Variants in VWA8 observed in about 807,000 individuals in gnomAD.
VWA8 encodes the protein von Willebrand factor A domain-containing protein 8.
VWA8 carries 221 observed loss-of-function variants against 241.5 expected under a neutral mutation model. That is an observed-to-expected ratio of 0.91 (90% confidence interval 0.82 to 1.02). VWA8 has a LOEUF of 1.02. Ranked by LOEUF, VWA8 falls within the 50% of genes least tolerant of loss-of-function variation. VWA8 has a pLI of 0.00. For missense variants in VWA8, 2,322 were observed against 2,328.7 expected (o/e 1.00, Z 0.06); for synonymous variants, 852 against 827.1 (o/e 1.03, Z -0.52).
intron 2 of VWA8, chr13:41,926,502 T>C: frequency 3.8e-6 from 2 of 531,736 alleles, no homozygotes; most frequent in South Asian, 1.5e-5. Context: ...AAGATGCTAG[T>C]GGTTGGTGGC....
At chr13:41,889,509 G>T (rs970532886) in intron 5 of VWA8, among the ~76,000 whole-genome samples, 20 of 151,970 alleles carry the variant, frequency 1.3e-4, no homozygotes, top group African/African-American at 4.4e-4. Flanking sequence ...CTCCCGAGTA[G>T]CTGGGATTAC....
chr13:41,843,738 G>T (rs1349615202), intron 12 of VWA8, among the ~76,000 whole-genome samples: 1 of 151,930 alleles, frequency 6.6e-6, no homozygotes, highest in African/African-American at 2.4e-5. Flanking sequence ...AGAAAATCTA[G>T]AGGAAATGGA....
In VWA8 at chr13:41,699,248, A is replaced by G; in HGVS notation, c.3387T>C (p.Tyr1129=). ...GGGAAGCGGGATTGCATGTAACTACATAGAGAGTATTTTGCTCATTTTCTG... is the reference window on the plus strand; with the variant it reads ...GGGAAGCGGGATTGCATGTAACTACGTAGAGAGTATTTTGCTCATTTTCTG... ...TSHENEQNTL[Y]VVTCNPASLY... Residue 1129 remains tyrosine, a synonymous_variant, in exon 29 of 45, where the codon TAT becomes TAC. Coordinates refer to ENST00000379310, the MANE Select transcript of VWA8 (RefSeq NM_015058.2). The G allele has an allele frequency of 6.2e-7, 1 of 1,614,152 alleles. No homozygotes were observed. The highest frequency in any genetic ancestry group is 8.5e-7 in the Non-Finnish European group (1 of 1,180,002).
chr13:41,832,430 A>G (rs185186127), intron 13 of VWA8, among the ~76,000 whole-genome samples: 1 of 152,336 alleles, frequency 6.6e-6, no homozygotes, highest in East Asian at 1.9e-4. Context: ...AGAAAAAAAT[A>G]TTGTAAATCT....
At chr13:41,610,339 C>T (rs1431051879) in intron 39 of VWA8, among the ~76,000 whole-genome samples, 1 of 152,176 alleles carries the variant, frequency 6.6e-6, no homozygotes, top group Non-Finnish European at 1.5e-5. Context: ...GTTCTCATAA[C>T]CTCCCTGGGA....
At chr13:41,689,220 T>G in intron 34 of VWA8, 134 bp downstream of exon 34, 2 of 1,002,050 alleles carry the variant, frequency 2.0e-6, no homozygotes, top group South Asian at 1.9e-5. Flanking sequence ...ACTGACTGAT[T>G]TGGAAGGAAG....
chr13:41,723,617 A>G (rs1165892891), intron 24 of VWA8, among the ~76,000 whole-genome samples: 2 of 152,218 alleles, frequency 1.3e-5, no homozygotes, highest in Admixed American at 6.5e-5. Flanking sequence ...GGTATAGCCA[A>G]TAAGATTGCA....
At chr13:41,686,933 G>T (rs1025722823) in intron 34 of VWA8, among the ~76,000 whole-genome samples, 6 of 151,972 alleles carry the variant, frequency 3.9e-5, no homozygotes, top group Admixed American at 6.6e-5. Flanking sequence ...TGGGCTTAAC[G>T]TCCATCACTA....
At chr13:41,719,801 A>G in intron 25 of VWA8, 59 bp from the exon 26 acceptor site, 1 of 1,466,286 alleles carries the variant, frequency 6.8e-7, no homozygotes, top group Non-Finnish European at 9.3e-7. Flanking sequence ...CATTATAAAG[A>G]TTTATGAAAT....
chr13:41,746,856 T>A (rs947046790), intron 21 of VWA8, among the ~76,000 whole-genome samples: 11 of 152,314 alleles, frequency 7.2e-5, no homozygotes, highest in African/African-American at 2.6e-4. Flanking sequence ...ATATATAGGC[T>A]GAAGTGTAGA....
intron 17 of VWA8, among the ~76,000 whole-genome samples, chr13:41,798,280 A>G (rs1176611596): frequency 6.6e-6 from 1 of 152,036 alleles, no homozygotes; most frequent in Non-Finnish European, 1.5e-5. Flanking sequence ...TTCCTTTCTC[A>G]CCGTAGTTTC....
Position 41,770,450 on chromosome 13 carries a change from A to G in VWA8, c.2349+7535T>C, listed in dbSNP as rs535058096. 6.4e-4 allele frequency among the ~76,000 whole-genome samples: 94 copies of G among 147,314 alleles called. 1 individual carries two copies. The highest frequency in any genetic ancestry group is 1.3e-3 in the Admixed American group (20 of 14,892). On this transcript the variant is annotated intron_variant, in intron 20 of 44. Transcript: ENST00000379310. ...AGCGAGACTCCGTTTCAAAAAAAAAAAAAAAAAGAAAAGAAACTGTAGTTT... is the reference window on the plus strand; with the variant it reads ...AGCGAGACTCCGTTTCAAAAAAAAAGAAAAAAAGAAAAGAAACTGTAGTTT...
At chr13:41,872,437 T>C (rs1234698164) in intron 9 of VWA8, among the ~76,000 whole-genome samples, 1 of 152,252 alleles carries the variant, frequency 6.6e-6, no homozygotes, top group East Asian at 1.9e-4. Flanking sequence ...TTTATGGTTT[T>C]AGGTCTAACG....
intron 26 of VWA8, among the ~76,000 whole-genome samples, chr13:41,715,860 C>T (rs1170921679): frequency 1.3e-5 from 2 of 152,006 alleles, no homozygotes; most frequent in African/African-American, 4.8e-5. Context: ...TCTCTATAGG[C>T]CAAATCCCCA....
chr13:41,784,725 T>TAC lies in VWA8; in HGVS notation c.2171-825_2171-824insGT, dbSNP rs1429604143. Among the ~76,000 whole-genome samples, 246 of 59,848 alleles carry TAC rather than the reference T, an allele frequency of 4.1e-3. 15 individuals are homozygous for TAC. Among genetic ancestry groups the TAC allele is most frequent in the Middle Eastern group, 8.9e-3 (1 of 112 alleles). 39.3% of individuals were successfully genotyped at this position (59,848 alleles called of 152,430 possible). A position where few individuals can be genotyped will look rare whatever the true frequency, so the allele number is the denominator to read the frequency against. On this transcript the variant is annotated intron_variant, in intron 18 of 44. Transcript: ENST00000379310. ...ATATATATATATATATATATATATA[T>TAC]ATATACACACACATATATATATATA...
At chr13:41,657,634 C>G (rs911022781) in intron 37 of VWA8, among the ~76,000 whole-genome samples, 6 of 151,914 alleles carry the variant, frequency 3.9e-5, no homozygotes, top group East Asian at 1.9e-4. Context: ...GGACTACAGG[C>G]GCCCGCCACC....
chr13:41,954,971 C>T (rs1452349256), intron 1 of VWA8, among the ~76,000 whole-genome samples: 2 of 152,110 alleles, frequency 1.3e-5, no homozygotes, highest in African/African-American at 4.8e-5. Context: ...CTACAGGACT[C>T]TTTTTTTCTT....
chr13:41,947,955 AAAACAAAAC>A lies in VWA8; in HGVS notation c.241+1972_241+1980del. On this transcript the variant is annotated intron_variant, in intron 2 of 44. Coordinates refer to ENST00000379310, the MANE Select transcript of VWA8 (RefSeq NM_015058.2). ...TCAAAAAAAAAAAAAAAAAAAAAACAAAACAAAACATTTTGGTAATTCCTTGAAATGTTA... is the reference window on the plus strand; with the variant it reads ...TCAAAAAAAAAAAAAAAAAAAAAACAATTTTGGTAATTCCTTGAAATGTTA... 3.5e-5 allele frequency among the ~76,000 whole-genome samples: 2 copies of A among 56,652 alleles called. 1 individual carries two copies. The highest frequency in any genetic ancestry group is 0.018 in the Middle Eastern group (2 of 114). 37.2% of individuals were successfully genotyped at this position (56,652 alleles called of 152,430 possible).
chr13:41,882,293 G>A (rs1456962039), intron 9 of VWA8, among the ~76,000 whole-genome samples: 9 of 150,632 alleles, frequency 6.0e-5, no homozygotes, highest in Non-Finnish European at 1.2e-4. Context: ...GATGGCGGCC[G>A]GGCAGAGACG....
Sources: allele counts gnomAD v4.1 joint callset (sites outside exome capture counted in the v4.1 genomes callset), GRCh38; gene constraint gnomAD v4.1.1; transcripts MANE v1.5; gene names NCBI Gene and HGNC (gene_info 2026-07-23, HGNC 2026-07-21).